The following THSD7A variants were observed in gnomAD, a reference collection of about 807,000 sequenced individuals.
THSD7A encodes the protein thrombospondin type-1 domain-containing protein 7A.
THSD7A carries 96 observed loss-of-function variants against 231.3 expected under a neutral mutation model. That is an observed-to-expected ratio of 0.41 (90% CI 0.35 to 0.49). The LOEUF is 0.49. Among genes scored for constraint, THSD7A ranks in the 20% least tolerant of loss-of-function variants. The pLI, the probability that THSD7A is intolerant of heterozygous loss-of-function variation, is 0.05. For missense variants in THSD7A, 2,290 were observed against 2,070.2 expected (o/e 1.11, Z -2.06); for synonymous variants, 940 against 743.3 (o/e 1.26, Z -4.30).
chr7:11,756,495 AG>A (rs1286879046), intron 1 of THSD7A, among the ~76,000 whole-genome samples: 1 of 152,090 alleles, frequency 6.6e-6, no homozygotes, highest in African/African-American at 2.4e-5. Flanking sequence ...TTTTCTGAGA[AG>A]TGTCTAATGC....
intron 1 of THSD7A, among the ~76,000 whole-genome samples, chr7:11,804,877 T>C (rs1784360429): frequency 6.6e-6 from 1 of 152,190 alleles, no homozygotes; most frequent in South Asian, 2.1e-4. Context: ...ATTTAACTGG[T>C]ATGTTGGAAA....
At chr7:11,682,664 C>A (rs1178630408) in intron 1 of THSD7A, among the ~76,000 whole-genome samples, 2 of 152,048 alleles carry the variant, frequency 1.3e-5, no homozygotes, top group African/African-American at 4.8e-5. Flanking sequence ...TACTGGGGGA[C>A]TTCAACATCC....
At position 11,688,100 on chromosome 7, in the gene THSD7A, C is replaced by T. The variant is rs1173797128; in HGVS notation, c.191-51139G>A. 1.2e-4 allele frequency among the ~76,000 whole-genome samples: 18 copies of T among 147,100 alleles called. 1 individual carries two copies. The highest frequency in any genetic ancestry group is 1.5e-5 in the Non-Finnish European group (1 of 66,808). Reference sequence around the variant, plus strand: ...ACAGGCCCCCGGTGTGTGATGTTCCCCTTCCTGTGTCCATGTGTTCTCATT... The same window carrying T: ...ACAGGCCCCCGGTGTGTGATGTTCCTCTTCCTGTGTCCATGTGTTCTCATT... On this transcript the variant is annotated intron_variant, in intron 1 of 27. Transcript: ENST00000423059.
intron 11 of THSD7A, among the ~76,000 whole-genome samples, chr7:11,459,333 C>T (rs1241097242): frequency 6.6e-6 from 1 of 151,962 alleles, no homozygotes; most frequent in African/African-American, 2.4e-5. Context: ...ATTATAACCT[C>T]TATATAGAAC....
intron 1 of THSD7A, among the ~76,000 whole-genome samples, chr7:11,763,617 A>G (rs1307832049): frequency 2.0e-5 from 3 of 152,176 alleles, no homozygotes; most frequent in African/African-American, 7.2e-5. Context: ...ATGAATTAAT[A>G]AGACTTCTTA....
chr7:11,636,211 T>C lies in THSD7A; in HGVS notation c.941A>G (p.Asn314Ser), dbSNP rs1412906877. 1.2e-6 allele frequency: 2 copies of C among 1,613,934 alleles called. No individual in the cohort carries two copies. The highest frequency in any genetic ancestry group is 1.3e-5 in the African/African-American group (1 of 74,942). Residue 314 changes from asparagine (N) to serine (S), a missense_variant, in exon 2 of 28, where the codon AAC becomes AGC. Transcript: ENST00000423059. The surrounding 1 kb of genome is among the most constrained non-coding windows in gnomAD (Gnocchi z 10.0). Reference sequence around the variant, plus strand: ...TCCAATCTGGATGTCCCAATATTTGTTCTCTTGTCTGTTCTGCCTGTTTCT... The same window carrying C: ...TCCAATCTGGATGTCCCAATATTTGCTCTCTTGTCTGTTCTGCCTGTTTCT... Reference protein sequence around the residue: ...RNRNRQNRQENKYWDIQIGYQ... With the variant: ...RNRNRQNRQESKYWDIQIGYQ...
intron 4 of THSD7A, among the ~76,000 whole-genome samples, chr7:11,556,649 G>T (rs967992428): frequency 6.6e-6 from 1 of 151,590 alleles, no homozygotes; most frequent in South Asian, 2.1e-4. Flanking sequence ...TTCTTTTAGG[G>T]TAAGTCTACT....
At chr7:11,664,952 G>A (rs999959172) in intron 1 of THSD7A, among the ~76,000 whole-genome samples, 1 of 151,918 alleles carries the variant, frequency 6.6e-6, no homozygotes, top group African/African-American at 2.4e-5. Context: ...AAAGGGAAAG[G>A]GTGGCTTAGG....
intron 1 of THSD7A, among the ~76,000 whole-genome samples, chr7:11,790,528 A>G (rs919571250): frequency 2.6e-5 from 4 of 151,986 alleles, no homozygotes; most frequent in East Asian, 1.9e-4. Flanking sequence ...TGAGAGATAA[A>G]AGTGCATTTT....
chr7:11,779,053 T>C (rs1373097453), intron 1 of THSD7A, among the ~76,000 whole-genome samples: 2 of 152,094 alleles, frequency 1.3e-5, no homozygotes, highest in Non-Finnish European at 2.9e-5. Context: ...CTAGGTTAAG[T>C]CTCTAATGGG....
chr7:11,656,348 A>G (rs546318633), intron 1 of THSD7A, among the ~76,000 whole-genome samples: 1 of 151,990 alleles, frequency 6.6e-6, no homozygotes, highest in African/African-American at 2.4e-5. Flanking sequence ...AATCAGTTCC[A>G]GTGCTAAAAA....
At chr7:11,808,081 G>A (rs914310050) in intron 1 of THSD7A, among the ~76,000 whole-genome samples, 1 of 152,064 alleles carries the variant, frequency 6.6e-6, no homozygotes, top group Non-Finnish European at 1.5e-5. Flanking sequence ...ACAACTCTGT[G>A]AAAGTCTCCT....
intron 7 of THSD7A, among the ~76,000 whole-genome samples, chr7:11,476,006 A>T (rs6967171): frequency 2.7e-5 from 4 of 146,932 alleles, no homozygotes; most frequent in Non-Finnish European, 3.0e-5. Context: ...TTGTATACCC[A>T]GTGGGAACCA....
intron 1 of THSD7A, among the ~76,000 whole-genome samples, chr7:11,769,143 A>ATTTTTTTT (rs1306458383): frequency 2.3e-4 from 8 of 35,282 alleles, no homozygotes; most frequent in African/African-American, 7.1e-4. Context: ...ATATATATAT[A>ATTTTTTTT]TATATATATA....
At chr7:11,774,339 G>T (rs1197294438) in intron 1 of THSD7A, among the ~76,000 whole-genome samples, 2 of 152,150 alleles carry the variant, frequency 1.3e-5, no homozygotes, top group Non-Finnish European at 2.9e-5. Flanking sequence ...CTGGGGGAAG[G>T]AATAAATGGG....
chr7:11,404,858 C>T (rs950031212), intron 22 of THSD7A, among the ~76,000 whole-genome samples: 1 of 152,114 alleles, frequency 6.6e-6, no homozygotes, highest in African/African-American at 2.4e-5. Flanking sequence ...TTGTTAACTA[C>T]AGGCACTATG....
chr7:11,517,078 A>ATTATT (rs1164170684), intron 6 of THSD7A, among the ~76,000 whole-genome samples: 2 of 152,202 alleles, frequency 1.3e-5, no homozygotes, highest in South Asian at 2.1e-4. Context: ...CTTCCATATC[A>ATTATT]TTATTTTATT....
At chr7:11,451,362 G>C (rs1785138139) in intron 11 of THSD7A, among the ~76,000 whole-genome samples, 1 of 151,950 alleles carries the variant, frequency 6.6e-6, no homozygotes, top group Non-Finnish European at 1.5e-5. Context: ...CTATTGTTAT[G>C]TTAAAAATGC....
intron 1 of THSD7A, among the ~76,000 whole-genome samples, chr7:11,669,736 C>T (rs1477370610): frequency 6.6e-6 from 1 of 151,946 alleles, no homozygotes; most frequent in Non-Finnish European, 1.5e-5. Context: ...AATGATCTTG[C>T]TTCAAAGATG....
Sources: gnomAD v4.1 joint callset for allele counts (sites outside exome capture counted in the v4.1 genomes callset) on GRCh38, gnomAD v4.1.1 for gene constraint, Gnocchi (gnomAD v3.1) non-coding constraint, MANE v1.5 for transcripts, NCBI Gene and HGNC (gene_info 2026-07-23, HGNC 2026-07-21) for gene names.